Variants in FRMD3 observed in about 807,000 individuals in gnomAD.
The protein encoded by FRMD3 is FERM domain containing 3, also known as FERM domain-containing protein 3.
In FRMD3, 33 loss-of-function variants were observed where a neutral mutation model predicts 70.2. The ratio of observed to expected loss-of-function variants is 0.47; its 90% CI spans 0.36 to 0.63. FRMD3 has a LOEUF of 0.63. FRMD3 is among the 20% of genes least tolerant of loss of function. The pLI, the probability that FRMD3 is intolerant of heterozygous loss-of-function variation, is 0.00. For synonymous variants in FRMD3, 279 were observed against 255.9 expected (o/e 1.09, Z -0.86); for missense variants, 632 against 711.4 (o/e 0.89, Z 1.27).
intron 1 of FRMD3, among the ~76,000 whole-genome samples, chr9:83,437,230 G>A (rs1325229335): frequency 6.6e-6 from 1 of 152,168 alleles, no homozygotes; most frequent in African/African-American, 2.4e-5. Context: ...AGATTGGTAA[G>A]TTGCAAATAA....
intron 1 of FRMD3, among the ~76,000 whole-genome samples, chr9:83,536,938 A>AAAAAAAAAAAAAAT (rs1829907337): frequency 6.7e-6 from 1 of 149,580 alleles, no homozygotes; most frequent in African/African-American, 2.5e-5. Context: ...ACTAAAAAAA[A>AAAAAAAAAAAAAAT]AAAAAAAAAA....
intron 1 of FRMD3, among the ~76,000 whole-genome samples, chr9:83,419,155 G>A (rs923258859): frequency 3.3e-5 from 5 of 152,110 alleles, no homozygotes; most frequent in South Asian, 2.1e-4. Flanking sequence ...TAGGAGGGGG[G>A]CCAGGGGTTA....
intron 1 of FRMD3, among the ~76,000 whole-genome samples, chr9:83,510,386 T>C (rs927988845): frequency 6.6e-5 from 10 of 152,198 alleles, no homozygotes; most frequent in Admixed American, 6.5e-4. Context: ...GTGTTACTGA[T>C]GGGCATGTGG....
chr9:83,287,225 G>A (rs888769334), intron 13 of FRMD3, among the ~76,000 whole-genome samples: 1 of 152,154 alleles, frequency 6.6e-6, no homozygotes, highest in African/African-American at 2.4e-5. Context: ...GCTCCCCAGG[G>A]GAAATTCAGC....
intron 1 of FRMD3, among the ~76,000 whole-genome samples, chr9:83,507,197 T>C (rs1829202088): frequency 6.7e-6 from 1 of 148,882 alleles, no homozygotes; most frequent in African/African-American, 2.5e-5. Context: ...TGAAATCCCG[T>C]CTCTACTAAA....
rs149223539 is a variant in FRMD3 at position 83,270,652 on chromosome 9, G to A, written c.1195+19951C>T. Among the ~76,000 whole-genome samples, 628 of 152,284 alleles carry A rather than the reference G, an allele frequency of 4.1e-3. 2 individuals carry two copies. Among genetic ancestry groups the A allele is most frequent in the African/African-American group, 0.014 (586 of 41,566 alleles). On this transcript the variant is annotated intron_variant, in intron 13 of 13. Coordinates refer to ENST00000304195, the MANE Select transcript of FRMD3 (RefSeq NM_174938.6). ...CTTGGGTTCCAATCCTGGCTGCATC[G>A]TTTATCATCTCTGAGCCTCAGTTTC...
chr9:83,260,506 C>A (rs1387542613), intron 13 of FRMD3, among the ~76,000 whole-genome samples: 1 of 152,162 alleles, frequency 6.6e-6, no homozygotes, highest in Non-Finnish European at 1.5e-5. Context: ...CATTCATCCC[C>A]ATTTGCCTGG....
At chr9:83,458,986 C>A (rs1269306967) in intron 1 of FRMD3, among the ~76,000 whole-genome samples, 2 of 152,206 alleles carry the variant, frequency 1.3e-5, no homozygotes, top group East Asian at 3.8e-4. Flanking sequence ...TACTCAGCTA[C>A]CTTTCTGCCA....
intron 1 of FRMD3, among the ~76,000 whole-genome samples, chr9:83,478,472 G>A (rs1276694327): frequency 6.6e-6 from 1 of 152,162 alleles, no homozygotes; most frequent in East Asian, 1.9e-4. Context: ...ACCCCATTAG[G>A]ATAGCTATTA....
intron 2 of FRMD3, among the ~76,000 whole-genome samples, chr9:83,385,343 A>T (rs955468070): frequency 1.3e-5 from 2 of 152,190 alleles, no homozygotes; most frequent in African/African-American, 4.8e-5. Flanking sequence ...TTCTTAGAAG[A>T]TGAATGTTGT....
chr9:83,245,461 A>T lies in FRMD3; in HGVS notation c.*2457T>A. 1 of 985,022 alleles carries T rather than the reference A, an allele frequency of 1.0e-6. No homozygotes were observed. Among genetic ancestry groups the T allele is most frequent in the Non-Finnish European group, 1.2e-6 (1 of 829,584 alleles). 61.0% of individuals were successfully genotyped at this position (985,022 alleles called of 1,614,324 possible). Reference sequence around the variant, plus strand: ...AAATTCAGCAGACCCTATTCTGTCAACTTCTTCACTTAAAAACATTTCTAT... The same window carrying T: ...AAATTCAGCAGACCCTATTCTGTCATCTTCTTCACTTAAAAACATTTCTAT... On this transcript the variant is annotated 3_prime_UTR_variant, in exon 14 of 14. Coordinates refer to ENST00000304195, the MANE Select transcript of FRMD3 (RefSeq NM_174938.6).
At chr9:83,391,893 C>T (rs532782086) in intron 1 of FRMD3, among the ~76,000 whole-genome samples, 1 of 152,292 alleles carries the variant, frequency 6.6e-6, no homozygotes, top group Admixed American at 6.5e-5. Flanking sequence ...CAGTCTCACC[C>T]AGGAGGGAGC....
At chr9:83,576,816 C>G in the FRMD3 span, among the ~76,000 whole-genome samples, 3 of 152,028 alleles carry the variant, frequency 2.0e-5, no homozygotes, top group African/African-American at 4.8e-5. Flanking sequence ...AAAACTACCT[C>G]TATTTTGACA....
At chr9:83,316,292 G>A (rs1650153621) in intron 6 of FRMD3, among the ~76,000 whole-genome samples, 1 of 151,416 alleles carries the variant, frequency 6.6e-6, no homozygotes, top group African/African-American at 2.4e-5. Context: ...CGGAGTAGCT[G>A]GGATTACTGG....
intron 1 of FRMD3, among the ~76,000 whole-genome samples, chr9:83,407,687 C>T (rs1826144012): frequency 6.6e-6 from 1 of 152,150 alleles, no homozygotes; most frequent in Non-Finnish European, 1.5e-5. Flanking sequence ...TATTCTCTCA[C>T]AGTTCTTTGT....
chr9:83,285,078 G>A (rs1246568950), intron 13 of FRMD3, among the ~76,000 whole-genome samples: 4 of 152,150 alleles, frequency 2.6e-5, no homozygotes, highest in South Asian at 4.1e-4. Flanking sequence ...ATGCCTTTGC[G>A]TGTTCACACA....
At chr9:83,362,439 C>T (rs1824622107) in intron 3 of FRMD3, among the ~76,000 whole-genome samples, 1 of 152,176 alleles carries the variant, frequency 6.6e-6, no homozygotes, top group Admixed American at 6.5e-5. Context: ...TGACTCAGTA[C>T]TGCTATTATG....
rs1215261168 is a variant in FRMD3 at position 83,419,443 on chromosome 9, T to TGA, written c.148-29737_148-29736dup. On this transcript the variant is annotated intron_variant, in intron 1 of 13. Coordinates refer to ENST00000304195, the MANE Select transcript of FRMD3 (RefSeq NM_174938.6). ...GCATCATGATCTTGAGGGGCTGCTG[T>TGA]GAGAGAGTGTGTGTGTGTGTGTGTG... Among the ~76,000 whole-genome samples, 109 of 143,102 alleles carry TGA rather than the reference T, an allele frequency of 7.6e-4. No individual in the cohort carries two copies. In the South Asian group the frequency reaches 0.017, roughly 23 times the overall value. 93.9% of individuals were successfully genotyped at this position (143,102 alleles called of 152,430 possible).
intron 1 of FRMD3, chr9:83,467,508 A>G (rs1194362343): frequency 1.8e-5 from 14 of 784,708 alleles, no homozygotes; most frequent in African/African-American, 3.4e-5. Context: ...ATCCCCTTCT[A>G]ATTTGTTTCA....
Sources: allele counts gnomAD v4.1 joint callset (sites outside exome capture counted in the v4.1 genomes callset), GRCh38; gene constraint gnomAD v4.1.1; transcripts MANE v1.5; gene names NCBI Gene and HGNC (gene_info 2026-07-23, HGNC 2026-07-21).